Variants in PCGF6 observed in about 807,000 individuals in gnomAD.
The protein encoded by PCGF6 is polycomb group ring finger 6, also known as polycomb group RING finger protein 6.
Under a neutral mutation model 45.5 loss-of-function variants are expected in PCGF6, and 24 were observed. The observed-to-expected ratio is 0.53, with a 90% CI of 0.38 to 0.74. The LOEUF (loss-of-function observed/expected upper bound fraction) is 0.74, where lower values mean the gene tolerates loss of function less well. Among genes scored for constraint, PCGF6 ranks in the 30% least tolerant of loss-of-function variants. PCGF6 has a pLI of 0.00. For missense variants in PCGF6, 356 were observed against 443.2 expected, an observed-to-expected ratio of 0.80 and a Z score of 1.77; for synonymous variants, 152 against 162.1, an observed-to-expected ratio of 0.94 and a Z score of 0.47.
Position 103,333,906 on chromosome 10 carries a change from GAAAA to G in PCGF6, c.810+15_810+18del. ...TACAGAGTCCTCTTGTGAAATGAAT[GAAAA>G]AAAAAGTAAAATACCTTAAAATGTC... On this transcript the variant is annotated intron_variant, in intron 7 of 9. Transcript: ENST00000369847. 3 of 1,526,420 alleles carry G rather than the reference GAAAA, an allele frequency of 2.0e-6. No individual in the cohort carries two copies. Among genetic ancestry groups the G allele is most frequent in the Non-Finnish European group, 2.6e-6 (3 of 1,133,606 alleles). The allele number at this position is 1,526,420 out of a possible 1,614,324, so 94.6% of individuals were successfully genotyped here.
At chr10:103,308,870 A>T (rs535489850) in intron 9 of PCGF6, among the ~76,000 whole-genome samples, 1 of 152,084 alleles carries the variant, frequency 6.6e-6, no homozygotes, top group South Asian at 2.1e-4. Flanking sequence ...GAGAGACTCC[A>T]TCTCAAAAAA....
chr10:103,307,530 A>G (rs2093142156), intron 9 of PCGF6, among the ~76,000 whole-genome samples: 1 of 152,202 alleles, frequency 6.6e-6, no homozygotes, highest in Admixed American at 6.5e-5. Context: ...ACAGGCTGGC[A>G]TGAATGATCA....
chr10:103,303,212 A>G lies in PCGF6; in HGVS notation c.*693T>C, dbSNP rs1163984113. On this transcript the variant is annotated 3_prime_UTR_variant, in exon 10 of 10. Transcript: ENST00000369847. The stretch of plus-strand genomic sequence containing the variant: ...TATGTACCCAAATAAAATGAATGTC[A>G]GAAATAAAAATACTGTCACAAAGAA... 3.3e-5 allele frequency: 5 copies of G among 152,662 alleles called. No individual in the cohort carries two copies. Among genetic ancestry groups the G allele is most frequent in the Non-Finnish European group, 7.3e-5 (5 of 68,046 alleles). The allele number at this position is 152,662 out of a possible 1,614,324, so 9.5% of individuals were successfully genotyped here. A position where few individuals can be genotyped will look rare whatever the true frequency, so the allele number is the denominator to read the frequency against.
intron 7 of PCGF6, among the ~76,000 whole-genome samples, chr10:103,328,928 G>A (rs2093229331): frequency 6.6e-6 from 1 of 151,450 alleles, no homozygotes; most frequent in African/African-American, 2.4e-5. Context: ...TGTATTTTTA[G>A]TAGAGACAGG....
chr10:103,333,853 G>A, intron 7 of PCGF6, 72 bp downstream of exon 7: 2 of 1,093,644 alleles, frequency 1.8e-6, no homozygotes. Flanking sequence ...TCTCCATTTG[G>A]TTGCTAATCT....
chr10:103,346,794 C>T (rs2093301422), intron 5 of PCGF6, among the ~76,000 whole-genome samples: 1 of 152,100 alleles, frequency 6.6e-6, no homozygotes, highest in Non-Finnish European at 1.5e-5. Flanking sequence ...AACTCCGTCT[C>T]AAAATAAAAA....
intron 7 of PCGF6, among the ~76,000 whole-genome samples, chr10:103,331,697 TTTTAA>T (rs2093240586): frequency 6.6e-6 from 1 of 152,258 alleles, no homozygotes; most frequent in African/African-American, 2.4e-5. Context: ...TCTCTTTCCT[TTTTAA>T]TTTATTTGCT....
intron 6 of PCGF6, among the ~76,000 whole-genome samples, chr10:103,343,419 G>A (rs1179853075): frequency 1.3e-5 from 2 of 151,952 alleles, no homozygotes; most frequent in African/African-American, 4.8e-5. Flanking sequence ...TTAGTTTACT[G>A]GGCCAGCCAG....
At position 103,347,252 on chromosome 10, in the gene PCGF6, T is replaced by C; in HGVS notation, c.659A>G (p.Glu220Gly). The C allele has an allele frequency of 6.2e-7, 1 of 1,607,202 alleles. No individual in the cohort carries two copies. Among genetic ancestry groups the C allele is most frequent in the Non-Finnish European group, 8.5e-7 (1 of 1,173,980 alleles). The change falls in exon 5 of 10, where the codon GAA becomes GGA. Residue 220 changes from glutamate (E) to glycine (G), a missense_variant. Transcript: ENST00000369847. ...CCCAAACTTACCAGGTTTAGGTACT[T>C]CTAGACCTCTTTCTTTATAGAAATC... ...MHDFYKERGL[E>G]VPKPAVPQPV...
At chr10:103,324,077 T>C (rs2133571105) in intron 8 of PCGF6, among the ~76,000 whole-genome samples, 1 of 148,830 alleles carries the variant, frequency 6.7e-6, no homozygotes, top group African/African-American at 2.4e-5. Flanking sequence ...GTAGCTGGGA[T>C]TACAGGAGTG....
At chr10:103,329,803 C>CA (rs1202787424) in intron 7 of PCGF6, among the ~76,000 whole-genome samples, 1 of 142,806 alleles carries the variant, frequency 7.0e-6, no homozygotes, top group Non-Finnish European at 1.5e-5. Context: ...GTTTTTGAGA[C>CA]AGTCTCGCTC....
intron 9 of PCGF6, among the ~76,000 whole-genome samples, chr10:103,313,960 CCTG>C (rs1471824721): frequency 2.6e-5 from 4 of 152,050 alleles, no homozygotes; most frequent in African/African-American, 4.8e-5. Context: ...TAAAAAACTG[CCTG>C]CTTTCTTAGA....
intron 6 of PCGF6, among the ~76,000 whole-genome samples, chr10:103,341,508 C>T (rs563394609): frequency 2.6e-5 from 4 of 151,472 alleles, no homozygotes; most frequent in Non-Finnish European, 4.4e-5. Context: ...GGTGTGATCT[C>T]GGCTCACTGC....
In PCGF6 at chr10:103,335,413, G is replaced by A. The variant is rs557300275; in HGVS notation, c.783-1461C>T. ...GAGTCTCACTGTCACCCAGGCAGGAGTGCAGTGGCGTGATCTCGGCTCACT... is the reference window on the plus strand; with the variant it reads ...GAGTCTCACTGTCACCCAGGCAGGAATGCAGTGGCGTGATCTCGGCTCACT... On this transcript the variant is annotated intron_variant, in intron 6 of 9. Coordinates refer to ENST00000369847, the MANE Select transcript of PCGF6 (RefSeq NM_001011663.2). 2.6e-5 allele frequency among the ~76,000 whole-genome samples: 4 copies of A among 151,416 alleles called. No individual in the cohort carries two copies. In the South Asian group the frequency reaches 8.4e-4, roughly 32 times the overall value.
Position 103,345,005 on chromosome 10 carries a change from A to G in PCGF6, c.782+19T>C. ...TTTAACATTCTTTAAGTTAAAAGGT[A>G]AATTTTTAGGGTACTCACCCAATGA... On this transcript the variant is annotated intron_variant, in intron 6 of 9. Coordinates refer to ENST00000369847, the MANE Select transcript of PCGF6 (RefSeq NM_001011663.2). 6.7e-7 allele frequency: 1 copy of G among 1,498,880 alleles called. No individual in the cohort carries two copies. The highest frequency in any genetic ancestry group is 9.1e-7 in the Non-Finnish European group (1 of 1,094,996). 92.8% of individuals were successfully genotyped at this position (1,498,880 alleles called of 1,614,324 possible).
intron 9 of PCGF6, among the ~76,000 whole-genome samples, chr10:103,310,309 G>A (rs1592054470): frequency 6.6e-6 from 1 of 151,948 alleles, no homozygotes; most frequent in East Asian, 1.9e-4. Flanking sequence ...AATCCCCAGT[G>A]ACAAAATCAT....
chr10:103,324,022 C>A (rs906662100), intron 8 of PCGF6, among the ~76,000 whole-genome samples: 15 of 151,422 alleles, frequency 9.9e-5, no homozygotes, highest in Admixed American at 7.2e-4. Context: ...TAACTGCAAC[C>A]TCCGTCTCCC....
At chr10:103,340,201 ATAT>A (rs1564733551) in intron 6 of PCGF6, among the ~76,000 whole-genome samples, 2,841 of 90,862 alleles carry the variant, frequency 0.031, 46 homozygotes, top group Non-Finnish European at 0.042. Flanking sequence ...AAAAAAAAAT[ATAT>A]ATATATATAT....
Position 103,338,050 on chromosome 10 carries a change from C to T in PCGF6, c.783-4098G>A, listed in dbSNP as rs1463143987. Among the ~76,000 whole-genome samples, 51 of 36,168 alleles carry T rather than the reference C, an allele frequency of 1.4e-3. 8 individuals are homozygous for T. Among genetic ancestry groups the T allele is most frequent in the African/African-American group, 4.6e-3 (47 of 10,316 alleles). 23.7% of individuals were successfully genotyped at this position (36,168 alleles called of 152,430 possible). On this transcript the variant is annotated intron_variant, in intron 6 of 9. Transcript: ENST00000369847. ...CTGCACTCCAGCCTGGGTGACAGAG[C>T]GAGACTCCGTCTCAAAAAAAAAAAA...
Sources: gnomAD v4.1 joint callset for allele counts (sites outside exome capture counted in the v4.1 genomes callset) on GRCh38, gnomAD v4.1.1 for gene constraint, MANE v1.5 for transcripts, NCBI Gene and HGNC (gene_info 2026-07-23, HGNC 2026-07-21) for gene names.